Variants in HEYL observed in about 807,000 individuals in gnomAD.
HEYL encodes hairy/enhancer-of-split related with YRPW motif-like protein.
A neutral mutation model predicts 18.6 loss-of-function variants in HEYL; 12 were observed. The ratio of observed to expected loss-of-function variants is 0.65; its 90% confidence interval spans 0.41 to 1.05. The LOEUF (loss-of-function observed/expected upper bound fraction) is 1.05, where lower values mean the gene tolerates loss of function less well. HEYL is among the 50% of genes least tolerant of loss of function. The pLI is 0.00. For synonymous variants in HEYL, 159 were observed against 179.6 expected (o/e 0.89, Z 0.91); for missense variants, 420 against 444.7 (o/e 0.94, Z 0.50).
Position 39,639,557 on chromosome 1 carries a change from C to G in HEYL, c.69G>C (p.Glu23Asp), listed in dbSNP as rs753109580. Residue 23 changes from glutamate (E) to aspartate (D), a missense_variant, in exon 1 of 5, where the codon GAG becomes GAC. Glu to Asp is a conservative substitution (Grantham distance 45). Coordinates refer to ENST00000372852, the MANE Select transcript of HEYL (RefSeq NM_014571.4). ...ATCCCGGCCCTTACCTCAGCTGGCC[C>G]TCTTGGCCCACGTCGATGGGTCCGT... is the stretch of plus-strand genomic sequence containing the variant. ...ESDGPIDVGQ[E>D]GQLSQMARPL... is the part of the protein sequence containing the mutation. 4.6e-5 allele frequency: 73 copies of G among 1,584,214 alleles called. No homozygotes were observed. Among genetic ancestry groups the G allele is most frequent in the Non-Finnish European group, 6.0e-5 (70 of 1,169,634 alleles).
intron 1 of HEYL, among the ~76,000 whole-genome samples, chr1:39,636,876 G>A (rs535920692): frequency 4.6e-5 from 7 of 152,204 alleles, no homozygotes; most frequent in Non-Finnish European, 8.8e-5. Flanking sequence ...CAACTGAATG[G>A]TGACCGCTTT....
chr1:39,635,336 G>A (rs777009206), intron 1 of HEYL, among the ~76,000 whole-genome samples: 22 of 152,150 alleles, frequency 1.4e-4, no homozygotes, highest in Non-Finnish European at 2.6e-4. Context: ...TAAGAAACAC[G>A]GCCTTTGTTC....
intron 1 of HEYL, chr1:39,633,163 C>T: frequency 1.0e-6 from 1 of 974,402 alleles, no homozygotes; most frequent in Non-Finnish European, 1.2e-6. Flanking sequence ...CGGCCGCCCG[C>T]CCTCCGCCCC....
chr1:39,634,464 CT>C (rs1003488432), intron 1 of HEYL, among the ~76,000 whole-genome samples: 2 of 152,186 alleles, frequency 1.3e-5, no homozygotes, highest in African/African-American at 4.8e-5. Flanking sequence ...CCCCTCTAGA[CT>C]CAACCGTCTT....
At chr1:39,633,024 G>A in intron 1 of HEYL, 4 of 968,900 alleles carry the variant, frequency 4.1e-6, no homozygotes, top group Non-Finnish European at 4.9e-6. Flanking sequence ...CCGATCCCCG[G>A]GGGCGGGGCG....
intron 1 of HEYL, chr1:39,633,787 C>A (rs1646349060): frequency 6.6e-6 from 1 of 152,542 alleles, no homozygotes; most frequent in South Asian, 2.1e-4. Context: ...GTGAAGGTAC[C>A]CCAGTTCTGC....
rs772226518 is a variant in HEYL at position 39,626,895 on chromosome 1, G to A, written c.599C>T (p.Pro200Leu). The A allele has an allele frequency of 1.9e-6, 3 of 1,607,922 alleles. No homozygotes were observed. The South Asian group carries it at 3.3e-5, about 18-fold the overall frequency. The change falls in exon 5 of 5, where the codon CCC becomes CTC. Residue 200 changes from proline to leucine, a missense_variant. Physicochemically the swap from Pro to Leu is moderately conservative, Grantham distance 98. Transcript: ENST00000372852. ...GGAGACACCGGGGAGGACAGGGCTGGGCACTCTTCCCAGGATGGCGAGCTG... is the reference window on the plus strand; with the variant it reads ...GGAGACACCGGGGAGGACAGGGCTGAGCACTCTTCCCAGGATGGCGAGCTG... ...SNQLAILGRVPSPVLPGVSSP... is the reference protein window; with the variant it reads ...SNQLAILGRVLSPVLPGVSSP...
rs769348003 is a variant in HEYL at position 39,626,620 on chromosome 1, A to C, written c.874T>G (p.Tyr292Asp). 1 of 1,551,468 alleles carries C rather than the reference A, an allele frequency of 6.4e-7. No homozygotes were observed. The highest frequency in any genetic ancestry group is 8.7e-7 in the Non-Finnish European group (1 of 1,150,474). The stretch of plus-strand genomic sequence containing the variant: ...GAGTTGGGGGTGGGAACAGCCACGT[A>C]AGCAGCCGACCCTGTAGGACCAGGG... Reference protein sequence around the residue: ...TPPGPTGSAAYVAVPTPNSSS... With the variant: ...TPPGPTGSAADVAVPTPNSSS... The change falls in exon 5 of 5, where the codon TAC becomes GAC. Residue 292 changes from tyrosine to aspartate, a missense_variant. By Grantham distance (160) the Tyr-to-Asp change is radical. Transcript: ENST00000372852.
chr1:39,638,993 G>A (rs558381482), intron 1 of HEYL, among the ~76,000 whole-genome samples: 12 of 152,272 alleles, frequency 7.9e-5, no homozygotes, highest in South Asian at 6.2e-4. Context: ...TTAGAGTCTA[G>A]GCCCTTGCAA....
chr1:39,639,591 C>A lies in HEYL; in HGVS notation c.35G>T (p.Gly12Val). The change falls in exon 1 of 5, where the codon GGG (glycine) becomes GTG (valine). Residue 12 changes from glycine (G) to valine (V), a missense_variant. Transcript: ENST00000372852. ...CACGTCGATGGGTCCGTCGGACTCCCCGTCGGAGCCGCTCGGCTCCTTGGG... is the reference window on the plus strand; with the variant it reads ...CACGTCGATGGGTCCGTCGGACTCCACGTCGGAGCCGCTCGGCTCCTTGGG... ...KRPKEPSGSD[G>V]ESDGPIDVGQ... is the part of the protein sequence containing the mutation. 6.3e-7 allele frequency: 1 copy of A among 1,579,460 alleles called. No individual in the cohort carries two copies. Among genetic ancestry groups the A allele is most frequent in the Non-Finnish European group, 8.6e-7 (1 of 1,167,654 alleles).
chr1:39,638,656 G>C (rs1646371907), intron 1 of HEYL, among the ~76,000 whole-genome samples: 1 of 152,182 alleles, frequency 6.6e-6, no homozygotes, highest in Admixed American at 6.5e-5. Context: ...CAGATTTGGG[G>C]CTGGGACCCA....
At chr1:39,630,116 G>A in intron 4 of HEYL, 111 bp downstream of exon 4, 1 of 838,234 alleles carries the variant, frequency 1.2e-6, no homozygotes, top group Non-Finnish European at 2.1e-6. Context: ...TCCATTGACT[G>A]AGCTCCTCAG....
intron 2 of HEYL, 125 bp from the exon 3 acceptor site, chr1:39,631,704 T>C (rs1379688301): frequency 3.8e-5 from 29 of 757,414 alleles, no homozygotes. Context: ...TAGTCTTACT[T>C]TATGGTGGAG....
chr1:39,639,543 T>C lies in HEYL; in HGVS notation c.80+3A>G. 1.3e-6 allele frequency: 2 copies of C among 1,581,206 alleles called. No homozygotes were observed. The highest frequency in any genetic ancestry group is 1.7e-6 in the Non-Finnish European group (2 of 1,168,284). ...TGCTCGGTCCCCGCATCCCGGCCCT[T>C]ACCTCAGCTGGCCCTCTTGGCCCAC... is the stretch of plus-strand genomic sequence containing the variant. On this transcript the variant is annotated splice_donor_region_variant and intron_variant, in intron 1 of 4. Transcript: ENST00000372852.
In HEYL at chr1:39,623,891, A is replaced by G. The variant is rs2695321; in HGVS notation, c.*2616T>C. ...GGACTGGCAAGAAATGAGGCTGGAA[A>G]TGAGGTTGGGACCAAAAGAAGACCT... On this transcript the variant is annotated 3_prime_UTR_variant, in exon 5 of 5. Coordinates refer to ENST00000372852, the MANE Select transcript of HEYL (RefSeq NM_014571.4). 1 allele frequency among the ~76,000 whole-genome samples: 152,389 copies of G among 152,390 alleles called. 76,194 individuals are homozygous for G. Among genetic ancestry groups the G allele is most frequent in the Non-Finnish European group, 1 (68,050 of 68,050 alleles).
At chr1:39,628,261 G>A (rs1419920918) in intron 4 of HEYL, among the ~76,000 whole-genome samples, 1 of 152,154 alleles carries the variant, frequency 6.6e-6, no homozygotes, top group African/African-American at 2.4e-5. Context: ...TCACCTTTCT[G>A]CGTTTGCTGT....
rs1192063967 is a variant in HEYL, at chr1:39,626,932, C to A, written c.562G>T (p.Ala188Ser). The A allele has an allele frequency of 3.1e-6, 5 of 1,612,970 alleles. No homozygotes were observed. Among genetic ancestry groups the A allele is most frequent in the Non-Finnish European group, 4.2e-6 (5 of 1,179,172 alleles). The change falls in exon 5 of 5, where the codon GCC (alanine) becomes TCC (serine). Residue 188 changes from alanine (A) to serine (S), a missense_variant. Physicochemically the swap from Ala to Ser is moderately conservative, Grantham distance 99. Coordinates refer to ENST00000372852, the MANE Select transcript of HEYL (RefSeq NM_014571.4). ...AGGATGGCGAGCTGGTTGCTCAGGG[C>A]TGGCAGCCCTGGACAGCTATGGAAG... ...SFFHSCPGLP[A>S]LSNQLAILGR...
chr1:39,631,625 T>C, intron 2 of HEYL, 46 bp from the exon 3 acceptor site: 1 of 1,517,942 alleles, frequency 6.6e-7, no homozygotes, highest in East Asian at 2.3e-5. Context: ...GTCATCACAG[T>C]TTCCAAAGTG....
intron 1 of HEYL, among the ~76,000 whole-genome samples, chr1:39,634,574 C>T (rs1209899186): frequency 6.6e-6 from 1 of 152,212 alleles, no homozygotes; most frequent in Non-Finnish European, 1.5e-5. Flanking sequence ...ACCCATCACC[C>T]CAAGCCCCAG....
Sources: allele counts gnomAD v4.1 joint callset (sites outside exome capture counted in the v4.1 genomes callset), GRCh38; gene constraint gnomAD v4.1.1; transcripts MANE v1.5; gene names NCBI Gene and HGNC (gene_info 2026-07-23, HGNC 2026-07-21).